Variants in ASTN2 observed in about 807,000 individuals in gnomAD.
ASTN2 encodes astrotactin 2.
In ASTN2, 54 loss-of-function variants were observed where a neutral mutation model predicts 139.8. The observed-to-expected ratio is 0.39, with a 90% confidence interval of 0.31 to 0.48. ASTN2 has a LOEUF of 0.48. Among genes scored for constraint, ASTN2 ranks in the 20% least tolerant of loss-of-function variants. The pLI is 0.95. For synonymous variants in ASTN2, 756 were observed against 719.5 expected, an observed-to-expected ratio of 1.05 and a Z score of -0.81; for missense variants, 1,565 against 1,725.1, an observed-to-expected ratio of 0.91 and a Z score of 1.64.
chr9:116,807,947 T>TA (rs61576800), intron 12 of ASTN2, among the ~76,000 whole-genome samples: 34,064 of 137,794 alleles, frequency 0.25, 4,059 homozygotes, highest in Middle Eastern at 0.31. Flanking sequence ...CTGTCTCTAC[T>TA]AAAAAAAAAA....
intron 3 of ASTN2, among the ~76,000 whole-genome samples, chr9:117,145,776 C>A (rs1183807643): frequency 6.6e-6 from 1 of 152,106 alleles, no homozygotes; most frequent in Non-Finnish European, 1.5e-5. Context: ...AAGATGTGTT[C>A]TTTGTCTAGC....
chr9:116,509,148 T>C (rs956118040), intron 19 of ASTN2, among the ~76,000 whole-genome samples: 4 of 152,180 alleles, frequency 2.6e-5, no homozygotes, highest in Admixed American at 6.5e-5. Context: ...CCTAATGCTA[T>C]CACTCCCCCT....
At chr9:116,457,931 C>T (rs570789556) in intron 20 of ASTN2, among the ~76,000 whole-genome samples, 99 of 151,922 alleles carry the variant, frequency 6.5e-4, no homozygotes, top group Non-Finnish European at 1.3e-3. Flanking sequence ...TCACAATAGC[C>T]AAGATGTGGA....
chr9:117,218,680 C>A (rs1414453609), intron 2 of ASTN2, among the ~76,000 whole-genome samples: 2 of 152,162 alleles, frequency 1.3e-5, no homozygotes, highest in South Asian at 2.1e-4. Flanking sequence ...TACTTTCTGA[C>A]CTTGGCTTGC....
chr9:117,256,186 G>C (rs962040014), intron 2 of ASTN2, among the ~76,000 whole-genome samples: 1 of 152,216 alleles, frequency 6.6e-6, no homozygotes, highest in East Asian at 1.9e-4. Context: ...CTCATGTTCA[G>C]CCTCACCCAG....
At chr9:116,509,101 T>C (rs2119174971) in intron 19 of ASTN2, among the ~76,000 whole-genome samples, 1 of 152,340 alleles carries the variant, frequency 6.6e-6, no homozygotes, top group East Asian at 1.9e-4. Context: ...GTTGGTGTGC[T>C]GCACCCATTA....
chr9:117,181,006 C>A, intron 3 of ASTN2: 1 of 1,595,114 alleles, frequency 6.3e-7, no homozygotes, highest in Admixed American at 1.7e-5. Context: ...ACCTCGCATG[C>A]CTGTTTGGAG....
chr9:116,683,056 T>TAAA (rs1859987286), intron 16 of ASTN2, among the ~76,000 whole-genome samples: 2 of 150,890 alleles, frequency 1.3e-5, no homozygotes, highest in South Asian at 4.2e-4. Flanking sequence ...AAATAAAAAA[T>TAAA]AAATTAAAAA....
chr9:116,965,784 G>A (rs924574091), intron 10 of ASTN2, among the ~76,000 whole-genome samples: 8 of 152,272 alleles, frequency 5.3e-5, no homozygotes, highest in Admixed American at 5.2e-4. Context: ...AGGAAGTGAG[G>A]GAGAAGCCAT....
intron 4 of ASTN2, among the ~76,000 whole-genome samples, chr9:117,130,739 C>T (rs1889317): frequency 0.97 from 147,104 of 152,300 alleles, 71,240 homozygotes; most frequent in East Asian, 1. Context: ...GGAGCTTTTG[C>T]TATACACACA....
intron 19 of ASTN2, among the ~76,000 whole-genome samples, chr9:116,520,048 A>C (rs10817901): frequency 0.56 from 85,166 of 151,854 alleles, 24,670 homozygotes; most frequent in African/African-American, 0.7. Context: ...CAGGACCAGA[A>C]AGATTAACAG....
At chr9:116,697,758 G>A (rs1321145069) in intron 16 of ASTN2, 2 of 1,614,080 alleles carry the variant, frequency 1.2e-6, no homozygotes. Context: ...TGCAGCAGCA[G>A]CTTCTCACCT....
chr9:116,660,577 A>G (rs1024222466), intron 16 of ASTN2, among the ~76,000 whole-genome samples: 3 of 152,176 alleles, frequency 2.0e-5, no homozygotes, highest in South Asian at 2.1e-4. Context: ...GAGCATCATC[A>G]GAGGTCATTT....
chr9:117,048,556 G>A (rs890165854), intron 5 of ASTN2, among the ~76,000 whole-genome samples: 1 of 152,298 alleles, frequency 6.6e-6, no homozygotes, highest in East Asian at 1.9e-4. Context: ...GGCTACAAAC[G>A]GCTGGCTATT....
At chr9:116,937,054 A>C (rs569536371) in intron 10 of ASTN2, among the ~76,000 whole-genome samples, 1 of 152,252 alleles carries the variant, frequency 6.6e-6, no homozygotes, top group Admixed American at 6.5e-5. Context: ...CTGGTAACTT[A>C]TGAGAGGATC....
intron 10 of ASTN2, among the ~76,000 whole-genome samples, chr9:116,935,693 A>G (rs1835047391): frequency 6.6e-6 from 1 of 152,110 alleles, no homozygotes; most frequent in South Asian, 2.1e-4. Context: ...AACTTACGTC[A>G]CCTCTCTGTG....
intron 2 of ASTN2, among the ~76,000 whole-genome samples, chr9:117,242,915 G>A (rs1833258467): frequency 6.6e-6 from 1 of 152,214 alleles, no homozygotes; most frequent in Non-Finnish European, 1.5e-5. Flanking sequence ...CAGTTTGCTT[G>A]TTGATTCCTG....
chr9:116,826,567 A>G (rs779037873), intron 11 of ASTN2, among the ~76,000 whole-genome samples: 58 of 152,094 alleles, frequency 3.8e-4, no homozygotes, highest in Non-Finnish European at 7.8e-4. Flanking sequence ...CAAGACCAAC[A>G]CGGGTTGCTT....
chr9:116,761,665 G>T (rs1829675455), intron 13 of ASTN2, among the ~76,000 whole-genome samples: 1 of 152,134 alleles, frequency 6.6e-6, no homozygotes, highest in Non-Finnish European at 1.5e-5. Flanking sequence ...GTAAGACAAG[G>T]GGTGGGAACA....
Sources: allele counts gnomAD v4.1 joint callset (sites outside exome capture counted in the v4.1 genomes callset), GRCh38; gene constraint gnomAD v4.1.1; transcripts MANE v1.5; gene names NCBI Gene and HGNC (gene_info 2026-07-23, HGNC 2026-07-21).